The following TRRAP variants were observed in gnomAD, a reference collection of about 807,000 sequenced individuals.
TRRAP encodes the protein transformation/transcription domain associated protein.
A neutral mutation model predicts 438.8 loss-of-function variants in TRRAP; 41 were observed. The ratio of observed to expected loss-of-function variants is 0.09; its 90% CI spans 0.07 to 0.12. TRRAP has a LOEUF of 0.12. Among genes scored for constraint, TRRAP ranks in the 10% least tolerant of loss-of-function variants. TRRAP has a pLI of 1.00. For missense variants in TRRAP, 3,122 were observed against 5,055.1 expected, an observed-to-expected ratio of 0.62 and a Z score of 11.60; for synonymous variants, 1,994 against 1,962.9, an observed-to-expected ratio of 1.02 and a Z score of -0.42.
At chr7:98,955,429 A>G in intron 41 of TRRAP, 125 bp downstream of exon 41, 1 of 1,035,412 alleles carries the variant, frequency 9.7e-7, no homozygotes, top group Non-Finnish European at 1.4e-6. Flanking sequence ...CTTCTGGTTC[A>G]TTGATTAGTT....
chr7:98,947,705 C>T (rs1260572582), intron 33 of TRRAP, among the ~76,000 whole-genome samples: 1 of 152,234 alleles, frequency 6.6e-6, no homozygotes, highest in Non-Finnish European at 1.5e-5. Context: ...ATCCACCCGC[C>T]TCAGCCTCCC....
intron 59 of TRRAP, 39 bp downstream of exon 59, chr7:98,981,999 C>G (rs1265496026): frequency 6.7e-7 from 1 of 1,483,082 alleles, no homozygotes; most frequent in Non-Finnish European, 8.9e-7. Context: ...GGCCTGTGGC[C>G]TGTCGCAGCC....
At chr7:98,972,395 A>G (rs1445875103) in intron 53 of TRRAP, among the ~76,000 whole-genome samples, 1 of 152,232 alleles carries the variant, frequency 6.6e-6, no homozygotes, top group Non-Finnish European at 1.5e-5. Flanking sequence ...CTCCACCACC[A>G]TCTCTTGAAA....
In TRRAP at chr7:98,887,000, C is replaced by T. The variant is rs547058330; in HGVS notation, c.151-3335C>T. On this transcript the variant is annotated intron_variant, in intron 3 of 72. Coordinates refer to ENST00000456197, the MANE Select transcript of TRRAP (RefSeq NM_001375524.1). ...CACCACAGCATTGAACTCCTGGGCTCAAATGATCTTCCTGCTTCGGCCCCC... is the reference window on the plus strand; with the variant it reads ...CACCACAGCATTGAACTCCTGGGCTTAAATGATCTTCCTGCTTCGGCCCCC... Among the ~76,000 whole-genome samples, 10 of 152,322 alleles carry T rather than the reference C, an allele frequency of 6.6e-5. No individual in the cohort carries two copies. In the South Asian group the frequency reaches 2.1e-3, roughly 32 times the overall value.
At chr7:98,992,352 T>G in intron 65 of TRRAP, 125 bp downstream of exon 65, 20 of 951,106 alleles carry the variant, frequency 2.1e-5, no homozygotes, top group African/African-American at 3.2e-5. Flanking sequence ...GGCCAATCTC[T>G]CCTCAGTGGG....
chr7:98,922,868 G>GTGTGTTTACCTT (rs1206931175), intron 21 of TRRAP, among the ~76,000 whole-genome samples: 1 of 152,128 alleles, frequency 6.6e-6, no homozygotes. Flanking sequence ...GTAGTACTGG[G>GTGTGTTTACCTT]TGTGTTTACC....
At chr7:98,896,961 G>T (rs1269517529) in intron 7 of TRRAP, among the ~76,000 whole-genome samples, 1 of 152,016 alleles carries the variant, frequency 6.6e-6, no homozygotes, top group Non-Finnish European at 1.5e-5. Flanking sequence ...TTGGCCAGGG[G>T]CAGTGGCTCA....
In TRRAP at chr7:98,929,738, C is replaced by T. The variant is rs568326672; in HGVS notation, c.3176-251C>T. 6.5e-4 allele frequency among the ~76,000 whole-genome samples: 99 copies of T among 152,080 alleles called. 1 individual carries two copies. Among genetic ancestry groups the T allele is most frequent in the African/African-American group, 2.3e-3 (97 of 41,486 alleles). The stretch of plus-strand genomic sequence containing the variant: ...CCTCCTGAGTAGCTGGGATTACAGG[C>T]GCCTGCCACCATGCCTGGCTAATTT... On this transcript the variant is annotated intron_variant, in intron 23 of 72. Transcript: ENST00000456197.
At chr7:98,895,371 A>G (rs1796150765) in intron 6 of TRRAP, among the ~76,000 whole-genome samples, 1 of 152,258 alleles carries the variant, frequency 6.6e-6, no homozygotes, top group African/African-American at 2.4e-5. Context: ...ACCGAGGCAA[A>G]GGCATTGAAG....
chr7:98,925,988 C>T (rs1790031126), intron 22 of TRRAP, among the ~76,000 whole-genome samples: 1 of 152,150 alleles, frequency 6.6e-6, no homozygotes, highest in Non-Finnish European at 1.5e-5. Context: ...TAGGTTGTAA[C>T]TATGCTTAGA....
intron 5 of TRRAP, among the ~76,000 whole-genome samples, chr7:98,892,762 C>G (rs1348874108): frequency 6.6e-6 from 1 of 152,124 alleles, no homozygotes; most frequent in Admixed American, 6.5e-5. Context: ...TAGTAGGTAC[C>G]TTTGAAACAG....
chr7:98,916,596 A>T (rs1789529289), intron 19 of TRRAP, among the ~76,000 whole-genome samples: 1 of 152,198 alleles, frequency 6.6e-6, no homozygotes. Context: ...AATGGTGATG[A>T]ATCTGCCATG....
At position 98,959,354 on chromosome 7, in the gene TRRAP, A is replaced by G. The variant is rs1562960448; in HGVS notation, c.6353A>G (p.Asn2118Ser). The stretch of plus-strand genomic sequence containing the variant: ...CGGATGAATTCCTAGGTTAATGACA[A>G]CACCAACACAGCGGGGTCCCCTGGG... ...LIRVACQVND[N>S]TNTAGSPGEV... The change falls in exon 45 of 73, where the codon AAC (asparagine) becomes AGC (serine). Residue 2118 changes from asparagine to serine, a missense_variant. This residue lies in a region of TRRAP where 992 missense variants were observed against 1,281.2 expected (regional missense o/e 0.77). Coordinates refer to ENST00000456197, the MANE Select transcript of TRRAP (RefSeq NM_001375524.1). The G allele has an allele frequency of 1.2e-6, 2 of 1,613,622 alleles. No homozygotes were observed. Among genetic ancestry groups the G allele is most frequent in the Admixed American group, 3.3e-5 (2 of 59,908 alleles).
Position 98,981,922 on chromosome 7 carries a change from C to T in TRRAP, c.8788C>T (p.Pro2930Ser), listed in dbSNP as rs1168752544. 1 of 1,607,608 alleles carries T rather than the reference C, an allele frequency of 6.2e-7. No individual in the cohort carries two copies. The highest frequency in any genetic ancestry group is 1.1e-5 in the South Asian group (1 of 90,314). ...SLAIREWRRL[P>S]HVVSHVHTPL... ...GGCCATCCGCGAGTGGCGGCGGCTGCCCCACGTAGTGTCCCACGTGCACAC... is the reference window on the plus strand; with the variant it reads ...GGCCATCCGCGAGTGGCGGCGGCTGTCCCACGTAGTGTCCCACGTGCACAC... The change falls in exon 59 of 73, where the codon CCC (proline) becomes TCC (serine). Residue 2930 changes from proline (P) to serine (S), a missense_variant. By Grantham distance (74) the Pro-to-Ser change is moderately conservative. This residue lies in a region of TRRAP where 992 missense variants were observed against 1,281.2 expected (regional missense o/e 0.77). Coordinates refer to ENST00000456197, the MANE Select transcript of TRRAP (RefSeq NM_001375524.1).
rs960133825 is a variant in TRRAP, at chr7:98,964,840, G to A, written c.6976+65G>A. ...TTGAACAGAGAACAGACTCTGTTGT[G>A]CAGGCTGGGGCTGAACTCTAAAGGG... On this transcript the variant is annotated intron_variant, in intron 48 of 72. Transcript: ENST00000456197. 9.3e-6 allele frequency: 14 copies of A among 1,509,112 alleles called. No individual in the cohort carries two copies. In the African/African-American group the frequency reaches 2.0e-4, roughly 21 times the overall value. 93.5% of individuals were successfully genotyped at this position (1,509,112 alleles called of 1,614,324 possible). A position where few individuals can be genotyped will look rare whatever the true frequency, so the allele number is the denominator to read the frequency against.
rs550820225 is a variant in TRRAP, at chr7:98,987,809, T to C, written c.9390-956T>C. 1.2e-4 allele frequency among the ~76,000 whole-genome samples: 19 copies of C among 152,366 alleles called. No homozygotes were observed. In the South Asian group the frequency reaches 3.9e-3, roughly 32 times the overall value. On this transcript the variant is annotated intron_variant, in intron 62 of 72. Transcript: ENST00000456197. Reference sequence around the variant, plus strand: ...CCTTGAGTATGATGTTAGCTGTGGGTGTTCTGTAGATGCCTTTTATAAGCT... The same window carrying C: ...CCTTGAGTATGATGTTAGCTGTGGGCGTTCTGTAGATGCCTTTTATAAGCT...
chr7:98,956,603 T>C lies in TRRAP; in HGVS notation c.6231+70T>C. 1 of 1,553,412 alleles carries C rather than the reference T, an allele frequency of 6.4e-7. No individual in the cohort carries two copies. The highest frequency in any genetic ancestry group is 8.7e-7 in the Non-Finnish European group (1 of 1,153,654). On this transcript the variant is annotated intron_variant, in intron 43 of 72. Transcript: ENST00000456197. The surrounding 1 kb of genome is among the most constrained non-coding windows in gnomAD (Gnocchi z 4.5). ...AGTTGGTTCGTTTATTCCCTATATTTAGAATGTGAGCTCGGTGCTCAGCTG... is the reference window on the plus strand; with the variant it reads ...AGTTGGTTCGTTTATTCCCTATATTCAGAATGTGAGCTCGGTGCTCAGCTG...
rs1298597158 is a variant in TRRAP, at chr7:99,005,401, G to A, written c.10753+53G>A. ...GTACACAGGCAGCTTCACAGGTGGG[G>A]ATGAGAGCCACACCTCGTGGGGTGC... On this transcript the variant is annotated intron_variant, in intron 69 of 72. Coordinates refer to ENST00000456197, the MANE Select transcript of TRRAP (RefSeq NM_001375524.1). This position sits in a 1 kb window ranked among gnomAD's most constrained non-coding sequence, Gnocchi z 5.1. 13 of 1,569,972 alleles carry A rather than the reference G, an allele frequency of 8.3e-6. No individual in the cohort carries two copies. The East Asian group carries it at 1.3e-4, about 16-fold the overall frequency.
At position 98,911,232 on chromosome 7, in the gene TRRAP, T is replaced by C. The variant is rs890738033; in HGVS notation, c.1968T>C (p.Pro656=). 1 of 1,613,962 alleles carries C rather than the reference T, an allele frequency of 6.2e-7. No individual in the cohort carries two copies. The highest frequency in any genetic ancestry group is 2.2e-5 in the East Asian group (1 of 44,878). ...TFKEIFQTTV[P]YMVERISKNY... ...AAGAAATCTTCCAAACTACGGTCCC[T>C]TATATGGTGGAGAGAATCTCAAAAA... Residue 656 remains proline, a synonymous_variant, in exon 17 of 73, where the codon CCT becomes CCC. Transcript: ENST00000456197.
Sources: gnomAD v4.1 joint callset for allele counts (sites outside exome capture counted in the v4.1 genomes callset) on GRCh38, gnomAD v4.1.1 for gene constraint, gnomAD v4.1.1 regional missense constraint, Gnocchi (gnomAD v3.1) non-coding constraint, MANE v1.5 for transcripts, NCBI Gene and HGNC (gene_info 2026-07-23, HGNC 2026-07-21) for gene names.